TTLL8: variants seen among roughly 807,000 people sequenced by gnomAD.
The protein encoded by TTLL8 is protein monoglycylase TTLL8.
TTLL8 carries 65 observed loss-of-function variants against 77.8 expected under a neutral mutation model. The ratio of observed to expected loss-of-function variants is 0.84; its 90% CI spans 0.68 to 1.03. TTLL8 has a LOEUF of 1.03. Ranked by LOEUF, TTLL8 falls within the 50% of genes least tolerant of loss-of-function variation. TTLL8 has a pLI of 0.00. For missense variants in TTLL8, 910 were observed against 1,004.5 expected (o/e 0.91, Z 1.27); for synonymous variants, 402 against 422.8 (o/e 0.95, Z 0.60).
upstream of TTLL8, among the ~76,000 whole-genome samples, chr22:50,057,608 C>G (rs1408349366): frequency 3.8e-4 from 7 of 18,204 alleles, 3 homozygotes; most frequent in East Asian, 8.2e-3. Flanking sequence ...TTGGGTTGAG[C>G]GGGAGGTCTG....
chr22:50,030,065 G>T (rs139110199), intron 12 of TTLL8: 2 of 747,930 alleles, frequency 2.7e-6, no homozygotes, highest in Non-Finnish European at 3.3e-6. Flanking sequence ...CCCCTCGCTC[G>T]GCCAGGGAGC....
chr22:50,033,392 G>A (rs2061312873), exon 10 of TTLL8: 1 of 1,365,074 alleles, frequency 7.3e-7, no homozygotes, highest in East Asian at 4.6e-5. Context: ...GAAAGAGGGT[G>A]GTCTGCAGCT....
chr22:50,030,242 G>A (rs1197846319), intron 12 of TTLL8, 188 bp downstream of exon 13: 10 of 984,206 alleles, frequency 1.0e-5, no homozygotes, highest in African/African-American at 1.8e-5. Flanking sequence ...CCCCCGTGCC[G>A]GGCTGGGACA....
At chr22:50,038,715 G>A (rs1443450505) in intron 8 of TTLL8, among the ~76,000 whole-genome samples, 1 of 152,072 alleles carries the variant, frequency 6.6e-6, no homozygotes, top group Non-Finnish European at 1.5e-5. Flanking sequence ...GAGAAGCTGA[G>A]GTGGAAAGAT....
intron 4 of TTLL8, among the ~76,000 whole-genome samples, chr22:50,046,348 T>C (rs1412286435): frequency 6.6e-6 from 1 of 152,208 alleles, no homozygotes; most frequent in African/African-American, 2.4e-5. Flanking sequence ...GAGGAGCGGC[T>C]GCAGGGCCCG....
At chr22:50,032,145 C>A in intron 10 of TTLL8, 36 bp from the exon 12 acceptor site, 2 of 1,325,966 alleles carry the variant, frequency 1.5e-6, no homozygotes, top group South Asian at 1.2e-5. Context: ...CTCAGCCTCC[C>A]TTGGCCCAGG....
intron 12 of TTLL8, among the ~76,000 whole-genome samples, chr22:50,022,224 A>AATG: frequency 1.5e-5 from 2 of 134,720 alleles, no homozygotes; most frequent in Admixed American, 7.5e-5. Context: ...TACATCTGAC[A>AATG]TGCACTCCTC....
intron 3 of TTLL8, among the ~76,000 whole-genome samples, chr22:50,047,601 G>A (rs1361172530): frequency 1.3e-5 from 2 of 152,156 alleles, no homozygotes; most frequent in Middle Eastern, 3.2e-3. Flanking sequence ...GCCACTTGCC[G>A]AGGTGACACG....
At position 50,044,640 on chromosome 22, in the gene TTLL8, C is replaced by T. The variant is rs570504213; in HGVS notation, c.643+615G>A. 6.6e-6 allele frequency among the ~76,000 whole-genome samples: 1 copy of T among 152,220 alleles called. No homozygotes were observed. Among genetic ancestry groups the T allele is most frequent in the Non-Finnish European group, 1.5e-5 (1 of 68,046 alleles). On this transcript the variant is annotated intron_variant, in intron 6 of 13. Transcript: ENST00000266182. This position sits in a 1 kb window ranked among gnomAD's most constrained non-coding sequence, Gnocchi z 4.2. ...AAAAGTTTAATGCGCCAATGTTCAT[C>T]TGTCAACAGTCGAAGCGCACTGCTC...
At chr22:50,043,531 A>G (rs1315421989) in intron 6 of TTLL8, among the ~76,000 whole-genome samples, 104 of 57,260 alleles carry the variant, frequency 1.8e-3, no homozygotes, top group Non-Finnish European at 3.1e-3. Context: ...GTACCGAGAC[A>G]CCCTTCGTTA....
chr22:50,020,447 G>T (rs4838873), intron 12 of TTLL8, among the ~76,000 whole-genome samples: 1 of 143,138 alleles, frequency 7.0e-6, no homozygotes, highest in Non-Finnish European at 1.5e-5. Flanking sequence ...TCCATCTGAC[G>T]AAATGCACTC....
intron 12 of TTLL8, among the ~76,000 whole-genome samples, chr22:50,020,888 C>A (rs1292196886): frequency 7.0e-6 from 1 of 143,218 alleles, no homozygotes; most frequent in Non-Finnish European, 1.5e-5. Flanking sequence ...ATCTGACGTG[C>A]ACTCCTCCAT....
intron 1 of TTLL8, among the ~76,000 whole-genome samples, chr22:50,052,400 G>C (rs1464786218): frequency 6.6e-6 from 1 of 152,156 alleles, no homozygotes; most frequent in East Asian, 1.9e-4. Flanking sequence ...ATTTCCAACA[G>C]GTAAGAGAGG....
Position 50,045,308 on chromosome 22 carries a change from T to TTGCTTCTGC in TTLL8, c.581_589dup (p.Ser194_Ser196dup), listed in dbSNP as rs781552561. 2.6e-5 allele frequency: 35 copies of TTGCTTCTGC among 1,364,012 alleles called. No individual in the cohort carries two copies. The South Asian group carries it at 3.6e-4, about 14-fold the overall frequency. 84.5% of individuals were successfully genotyped at this position (1,364,012 alleles called of 1,614,324 possible). The stretch of plus-strand genomic sequence containing the variant: ...GGCCTCCTCCCTCTGGTCCCTGGGC[T>TTGCTTCTGC]TGCTTCTGCTGCTCCTGCTGCAGCT... On this transcript the variant is annotated inframe_insertion, in exon 6 of 14. Transcript: ENST00000266182.
intron 12 of TTLL8, among the ~76,000 whole-genome samples, chr22:50,022,055 ATG>A (rs2061205579): frequency 6.9e-6 from 1 of 145,034 alleles, no homozygotes; most frequent in Non-Finnish European, 1.5e-5. Flanking sequence ...CCATCTGATG[ATG>A]TGTACTCCTC....
At chr22:50,033,569 C>A (rs575187595) in intron 9 of TTLL8, 124 bp from the exon 11 acceptor site, 3 of 852,668 alleles carry the variant, frequency 3.5e-6, no homozygotes, top group African/African-American at 3.5e-5. Flanking sequence ...CCAAGGCCAG[C>A]AGGCAGCATG....
At chr22:50,051,066 T>G (rs2061441539) in intron 1 of TTLL8, among the ~76,000 whole-genome samples, 1 of 152,252 alleles carries the variant, frequency 6.6e-6, no homozygotes, top group East Asian at 1.9e-4. Flanking sequence ...TTCATCATGT[T>G]GGCCAGGCTG....
In TTLL8 at chr22:50,034,357, C is replaced by G. The variant is rs773779029; in HGVS notation, c.1027G>C (p.Gly343Arg). ...GGAGCATCCGCACCAGGGGACTCACCTCGGCCCCGGGACTTGGCCGCGGGC... is the reference window on the plus strand; with the variant it reads ...GGAGCATCCGCACCAGGGGACTCACGTCGGCCCCGGGACTTGGCCGCGGGC... The change falls in exon 9 of 14, where the codon GGT (glycine) becomes CGT (arginine). Residue 343 changes from glycine to arginine, a missense_variant. This residue lies in a region of TTLL8 where 776 missense variants were observed against 926.1 expected (regional missense o/e 0.84). Coordinates refer to ENST00000266182, the Ensembl canonical transcript of TTLL8. The surrounding 1 kb of genome is among the most constrained non-coding windows in gnomAD (Gnocchi z 4.1). The G allele has an allele frequency of 1.5e-6, 2 of 1,366,052 alleles. No individual in the cohort carries two copies. The highest frequency in any genetic ancestry group is 1.5e-5 in the African/African-American group (1 of 67,864). The allele number at this position is 1,366,052 out of a possible 1,614,324, so 84.6% of individuals were successfully genotyped here. A position where few individuals can be genotyped will look rare whatever the true frequency, so the allele number is the denominator to read the frequency against.
At chr22:50,026,529 A>T (rs1469193548) in intron 12 of TTLL8, among the ~76,000 whole-genome samples, 1 of 152,182 alleles carries the variant, frequency 6.6e-6, no homozygotes, top group Non-Finnish European at 1.5e-5. Context: ...GCCACCTCAG[A>T]GCGGAGGGTC....
Sources: allele counts gnomAD v4.1 joint callset (sites outside exome capture counted in the v4.1 genomes callset), GRCh38; gene constraint gnomAD v4.1.1; regional missense constraint gnomAD v4.1.1; non-coding constraint Gnocchi (gnomAD v3.1); transcripts MANE v1.5; gene names NCBI Gene and HGNC (gene_info 2026-07-23, HGNC 2026-07-21).